MLLT3: variants seen among roughly 807,000 people sequenced by gnomAD.
MLLT3 encodes MLLT3 super elongation complex subunit, also known as protein AF-9.
Under a neutral mutation model 53.2 loss-of-function variants are expected in MLLT3, and 4 were observed. The observed-to-expected ratio is 0.08, with a 90% CI of 0.04 to 0.17. MLLT3 has a LOEUF of 0.17. Among genes scored for constraint, MLLT3 ranks in the 10% least tolerant of loss-of-function variants. The pLI is 1.00. For synonymous variants in MLLT3, 283 were observed against 230.6 expected (o/e 1.23, Z -2.06); for missense variants, 569 against 684.0 (o/e 0.83, Z 1.87).
Position 20,519,828 on chromosome 9 carries a change from C to A in MLLT3, c.194-63042G>T, listed in dbSNP as rs150411649. ...ACTAAAAACAGAATTACCATTTGAC[C>A]CAGCAATTTCATTACTAGGTATATA... is the stretch of plus-strand genomic sequence containing the variant. On this transcript the variant is annotated intron_variant, in intron 2 of 10. Transcript: ENST00000380338. Among the ~76,000 whole-genome samples the A allele has an allele frequency of 2.6e-3, 389 of 152,156 alleles. 1 individual carries two copies. Among genetic ancestry groups the A allele is most frequent in the African/African-American group, 9.1e-3 (378 of 41,496 alleles).
chr9:20,383,420 A>T (rs762031130), intron 5 of MLLT3, among the ~76,000 whole-genome samples: 13 of 151,958 alleles, frequency 8.6e-5, no homozygotes, highest in Non-Finnish European at 1.9e-4. Context: ...TTCTGAAAAC[A>T]TCAAACCTGG....
At chr9:20,463,750 T>C (rs1824168926) in intron 2 of MLLT3, among the ~76,000 whole-genome samples, 1 of 152,128 alleles carries the variant, frequency 6.6e-6, no homozygotes, top group African/African-American at 2.4e-5. Context: ...TTGAAAATAA[T>C]ACAAATGGAA....
chr9:20,548,546 G>A (rs1818846707), intron 2 of MLLT3, among the ~76,000 whole-genome samples: 1 of 152,072 alleles, frequency 6.6e-6, no homozygotes, highest in Non-Finnish European at 1.5e-5. Flanking sequence ...ATTAATTATT[G>A]GAAACACCAA....
At chr9:20,583,735 A>G (rs1212657144) in intron 2 of MLLT3, among the ~76,000 whole-genome samples, 59 of 152,192 alleles carry the variant, frequency 3.9e-4, no homozygotes, top group Non-Finnish European at 2.9e-5. Flanking sequence ...GCTGGGACAC[A>G]GGACACCAAG....
chr9:20,583,335 T>G (rs529839742), intron 2 of MLLT3, among the ~76,000 whole-genome samples: 1 of 152,092 alleles, frequency 6.6e-6, no homozygotes, highest in Non-Finnish European at 1.5e-5. Context: ...TAGTGTTAAG[T>G]GTCTGTGGCT....
intron 5 of MLLT3, among the ~76,000 whole-genome samples, chr9:20,382,032 G>C (rs184930982): frequency 2.0e-5 from 3 of 151,862 alleles, no homozygotes; most frequent in Admixed American, 6.6e-5. Context: ...TAAATGTGCT[G>C]AAGTCAGAGG....
chr9:20,459,174 CA>C (rs1824046539), intron 2 of MLLT3, among the ~76,000 whole-genome samples: 1 of 152,100 alleles, frequency 6.6e-6, no homozygotes, highest in Admixed American at 6.6e-5. Flanking sequence ...AGACATTCCA[CA>C]AGCAGAAATA....
At chr9:20,468,043 A>T (rs1375199708) in intron 2 of MLLT3, among the ~76,000 whole-genome samples, 1 of 152,210 alleles carries the variant, frequency 6.6e-6, no homozygotes, top group African/African-American at 2.4e-5. Context: ...CCCATCTTGG[A>T]CATATTATGT....
At chr9:20,451,889 C>T (rs976034035) in intron 3 of MLLT3, among the ~76,000 whole-genome samples, 3 of 152,168 alleles carry the variant, frequency 2.0e-5, no homozygotes, top group African/African-American at 7.2e-5. Flanking sequence ...CTGAAACACA[C>T]AATTCTCACA....
rs200029787 is a variant in MLLT3, at chr9:20,603,186, C to T, written c.193+17468G>A. On this transcript the variant is annotated intron_variant, in intron 2 of 10. Coordinates refer to ENST00000380338, the MANE Select transcript of MLLT3 (RefSeq NM_004529.4). ...TCTTCTATAATCTTATCCAAGAAAC[C>T]ACTTGGACATATTTATCCAAAGACA... Among the ~76,000 whole-genome samples the T allele has an allele frequency of 2.0e-5, 3 of 152,108 alleles. No homozygotes were observed. In the East Asian group the frequency reaches 5.8e-4, roughly 29 times the overall value.
intron 5 of MLLT3, among the ~76,000 whole-genome samples, chr9:20,381,933 G>T (rs1027992575): frequency 2.6e-5 from 4 of 151,722 alleles, no homozygotes; most frequent in Non-Finnish European, 5.9e-5. Flanking sequence ...GAAAATAAGA[G>T]AAATTATTTA....
chr9:20,553,792 A>G (rs1293307167), intron 2 of MLLT3, among the ~76,000 whole-genome samples: 2 of 152,140 alleles, frequency 1.3e-5, no homozygotes, highest in East Asian at 3.8e-4. Flanking sequence ...ACTACATTAG[A>G]AACTTTCCTT....
At chr9:20,577,745 T>G (rs1441430000) in intron 2 of MLLT3, among the ~76,000 whole-genome samples, 65 of 152,196 alleles carry the variant, frequency 4.3e-4, no homozygotes, top group Non-Finnish European at 1.5e-5. Context: ...TCCTAGTGTT[T>G]AGTTTTCAGC....
intron 2 of MLLT3, among the ~76,000 whole-genome samples, chr9:20,587,839 A>T (rs1039216276): frequency 3.7e-4 from 56 of 152,182 alleles, no homozygotes; most frequent in Middle Eastern, 3.4e-3. Context: ...GAAGCTCTTT[A>T]GTTTACTTAG....
chr9:20,475,329 T>G (rs376132739), intron 2 of MLLT3, among the ~76,000 whole-genome samples: 1 of 152,084 alleles, frequency 6.6e-6, no homozygotes, highest in Non-Finnish European at 1.5e-5. Context: ...AAAAGACTTA[T>G]CCCATCCCCT....
chr9:20,578,811 G>T (rs964049645), intron 2 of MLLT3, among the ~76,000 whole-genome samples: 1 of 151,966 alleles, frequency 6.6e-6, no homozygotes, highest in Non-Finnish European at 1.5e-5. Flanking sequence ...ATACATACCA[G>T]ATTCCAAAGG....
chr9:20,341,853 T>C lies in MLLT3; in HGVS notation c.*4590A>G, dbSNP rs1012948199. 2 of 204,818 alleles carry C rather than the reference T, an allele frequency of 9.8e-6. No homozygotes were observed. The highest frequency in any genetic ancestry group is 7.5e-5 in the East Asian group (1 of 13,416). 12.7% of individuals were successfully genotyped at this position (204,818 alleles called of 1,614,324 possible). A position where few individuals can be genotyped will look rare whatever the true frequency, so the allele number is the denominator to read the frequency against. On this transcript the variant is annotated 3_prime_UTR_variant, in exon 11 of 11. Transcript: ENST00000380338. ...AAAGAAATAGGGGGGAAAGAAAAAA[T>C]ACCGGGCACACATAGCCCAGTTTAT...
chr9:20,622,296 C>A lies in MLLT3; in HGVS notation c.-40G>T, dbSNP rs932948288. 2.8e-6 allele frequency: 4 copies of A among 1,409,924 alleles called. No homozygotes were observed. The highest frequency in any genetic ancestry group is 2.7e-5 in the South Asian group (2 of 73,004). 87.3% of individuals were successfully genotyped at this position (1,409,924 alleles called of 1,614,324 possible). On this transcript the variant is annotated 5_prime_UTR_variant, in exon 1 of 11. Transcript: ENST00000380338. ...AGGTTTGCTGGGGTGTTGTGTGGTA[C>A]CCCCCCCTCCTCCGCCCCCCCTCAG...
chr9:20,522,533 T>G (rs1398754453), intron 2 of MLLT3, among the ~76,000 whole-genome samples: 3 of 152,336 alleles, frequency 2.0e-5, no homozygotes, highest in South Asian at 4.1e-4. Context: ...TGAGGTCATA[T>G]GTGATATTTA....
Sources: allele counts gnomAD v4.1 joint callset (sites outside exome capture counted in the v4.1 genomes callset), GRCh38; gene constraint gnomAD v4.1.1; transcripts MANE v1.5; gene names NCBI Gene and HGNC (gene_info 2026-07-23, HGNC 2026-07-21).